Variants in SLC39A10 observed in about 807,000 individuals in gnomAD.
SLC39A10 encodes the protein solute carrier family 39 member 10.
Under a neutral mutation model 65.1 loss-of-function variants are expected in SLC39A10, and 13 were observed. The ratio of observed to expected loss-of-function variants is 0.20; its 90% confidence interval spans 0.13 to 0.32. The LOEUF is 0.32. SLC39A10 is among the 10% of genes least tolerant of loss of function. SLC39A10 has a pLI of 1.00. For missense variants in SLC39A10, 831 were observed against 1,018.4 expected, an observed-to-expected ratio of 0.82 and a Z score of 2.50; for synonymous variants, 321 against 342.2, an observed-to-expected ratio of 0.94 and a Z score of 0.68.
At chr2:195,705,110 C>T (rs1327165492) in intron 3 of SLC39A10, among the ~76,000 whole-genome samples, 1 of 152,136 alleles carries the variant, frequency 6.6e-6, no homozygotes, top group Non-Finnish European at 1.5e-5. Context: ...TCCTCCTCAT[C>T]CTTTCTTTCC....
intron 3 of SLC39A10, among the ~76,000 whole-genome samples, chr2:195,695,210 G>A (rs1690901521): frequency 6.6e-6 from 1 of 152,218 alleles, no homozygotes; most frequent in African/African-American, 2.4e-5. Flanking sequence ...GGTAGAGAAA[G>A]ACCACCAGGT....
intron 3 of SLC39A10, among the ~76,000 whole-genome samples, chr2:195,686,885 A>T (rs1475035622): frequency 6.6e-6 from 1 of 152,262 alleles, no homozygotes; most frequent in Admixed American, 6.5e-5. Context: ...TATAAGTGGC[A>T]GAGAAATGAG....
chr2:195,645,847 A>C (rs950154117), intron 2 of SLC39A10, among the ~76,000 whole-genome samples: 3 of 152,246 alleles, frequency 2.0e-5, no homozygotes, highest in African/African-American at 7.2e-5. Flanking sequence ...CAAAGTATTG[A>C]TCATTCTACA....
intron 1 of SLC39A10, among the ~76,000 whole-genome samples, chr2:195,663,088 T>G (rs1156455062): frequency 1.3e-5 from 2 of 152,222 alleles, no homozygotes; most frequent in African/African-American, 4.8e-5. Flanking sequence ...TAGCTACTTA[T>G]GTAGCTCTCT....
intron 8 of SLC39A10, among the ~76,000 whole-genome samples, chr2:195,727,028 T>A (rs12996461): frequency 0.46 from 69,892 of 152,000 alleles, 17,261 homozygotes; most frequent in Non-Finnish European, 0.57. Context: ...TCAATACTAT[T>A]ATTATCTCTA....
upstream of SLC39A10, among the ~76,000 whole-genome samples, chr2:195,655,387 G>A (rs947368357): frequency 6.6e-6 from 1 of 152,146 alleles, no homozygotes; most frequent in Non-Finnish European, 1.5e-5. Context: ...TAAAATGTAA[G>A]GACTGCAAGC....
intron 2 of SLC39A10, among the ~76,000 whole-genome samples, chr2:195,621,407 A>G (rs1000899955): frequency 2.6e-5 from 4 of 152,242 alleles, no homozygotes; most frequent in African/African-American, 9.6e-5. Context: ...TTAATGCCAT[A>G]CTGATTGTGA....
chr2:195,726,891 A>G (rs1320084738), intron 8 of SLC39A10, among the ~76,000 whole-genome samples: 1 of 152,208 alleles, frequency 6.6e-6, no homozygotes, highest in East Asian at 1.9e-4. Flanking sequence ...CTGAGTGTTC[A>G]ATAATTGATT....
intron 2 of SLC39A10, among the ~76,000 whole-genome samples, chr2:195,651,241 C>A (rs1008327128): frequency 6.6e-6 from 1 of 152,024 alleles, no homozygotes; most frequent in Non-Finnish European, 1.5e-5. Flanking sequence ...AAAAAGACTA[C>A]CGCATGGGTC....
At chr2:195,697,438 T>C (rs1346236117) in intron 3 of SLC39A10, among the ~76,000 whole-genome samples, 1 of 152,202 alleles carries the variant, frequency 6.6e-6, no homozygotes, top group Non-Finnish European at 1.5e-5. Flanking sequence ...TTTACTCTTT[T>C]TTTAAATTTA....
Position 195,680,708 on chromosome 2 carries a change from A to T in SLC39A10, c.666A>T (p.Glu222Asp). 6.2e-7 allele frequency: 1 copy of T among 1,614,190 alleles called. No individual in the cohort carries two copies. Among genetic ancestry groups the T allele is most frequent in the Non-Finnish European group, 8.5e-7 (1 of 1,180,030 alleles). ...CAACAGAGACCAATAAAACCCAGGA[A>T]CAATCTGATGTTAAACTACCGAAAG... The part of the protein sequence containing the change: ...EPSTETNKTQ[E>D]QSDVKLPKGK... Residue 222 changes from glutamate (E) to aspartate (D), a missense_variant, in exon 2 of 10, where the codon GAA (glutamate) becomes GAT (aspartate). By Grantham distance (45) the Glu-to-Asp change is conservative (BLOSUM62 2). Around this residue, in one of 4 missense-constraint regions of SLC39A10, gnomAD observed 446 missense variants for 499.2 expected, o/e 0.89. Transcript: ENST00000359634.
intron 5 of SLC39A10, among the ~76,000 whole-genome samples, 162 bp from the exon 6 acceptor site, chr2:195,713,271 G>T (rs1691661576): frequency 6.6e-6 from 1 of 151,988 alleles, no homozygotes; most frequent in South Asian, 2.1e-4. Flanking sequence ...TTCATCTCTG[G>T]ATTGCTTTAC....
At chr2:195,679,484 A>G (rs1043671216) in intron 1 of SLC39A10, among the ~76,000 whole-genome samples, 1 of 152,190 alleles carries the variant, frequency 6.6e-6, no homozygotes, top group African/African-American at 2.4e-5. Context: ...CTATTTCCAC[A>G]TCAATATTAA....
chr2:195,736,286 T>C lies in SLC39A10; in HGVS notation c.*1245T>C, dbSNP rs1387926555. On this transcript the variant is annotated 3_prime_UTR_variant, in exon 10 of 10. Coordinates refer to ENST00000359634, the MANE Select transcript of SLC39A10 (RefSeq NM_020342.3). ...TCCTACCATAATTGTGAATGATTTG[T>C]GAGAAGTGCAAGCCATGTTTATCCT... The C allele has an allele frequency of 6.2e-6, 1 of 160,818 alleles. No individual in the cohort carries two copies. Among genetic ancestry groups the C allele is most frequent in the Non-Finnish European group, 1.5e-5 (1 of 68,088 alleles). The allele number at this position is 160,818 out of a possible 1,614,324, so 10.0% of individuals were successfully genotyped here.
At position 195,728,631 on chromosome 2, in the gene SLC39A10, TGTA is replaced by T. The variant is rs1044371776; in HGVS notation, c.2337+284_2337+286del. 6.6e-6 allele frequency among the ~76,000 whole-genome samples: 1 copy of T among 152,148 alleles called. No homozygotes were observed. The highest frequency in any genetic ancestry group is 2.4e-5 in the African/African-American group (1 of 41,452). ...TACTTTAAAGACTTTGTAATATTGG[TGTA>T]GAAGTGTTTTATTTTTGTTAGCAAA... On this transcript the variant is annotated intron_variant, in intron 9 of 9. Coordinates refer to ENST00000359634, the MANE Select transcript of SLC39A10 (RefSeq NM_020342.3). This position sits in a 1 kb window ranked among gnomAD's most constrained non-coding sequence, Gnocchi z 4.4.
chr2:195,620,961 G>T (rs1056228128), intron 2 of SLC39A10, among the ~76,000 whole-genome samples: 2 of 152,066 alleles, frequency 1.3e-5, no homozygotes, highest in Non-Finnish European at 2.9e-5. Flanking sequence ...CCTGACTCTG[G>T]TATCTCAGAG....
At chr2:195,697,876 A>G (rs1691028578) in intron 3 of SLC39A10, among the ~76,000 whole-genome samples, 1 of 150,172 alleles carries the variant, frequency 6.7e-6, no homozygotes, top group African/African-American at 2.4e-5. Context: ...ATGAGATACC[A>G]TCTTACACCA....
chr2:195,721,932 A>G (rs1432156943), intron 8 of SLC39A10, among the ~76,000 whole-genome samples: 1 of 152,202 alleles, frequency 6.6e-6, no homozygotes, highest in African/African-American at 2.4e-5. Flanking sequence ...CAAGTTGGAG[A>G]TTAAGGATGG....
chr2:195,674,491 G>A, intron 1 of SLC39A10: 3 of 576,988 alleles, frequency 5.2e-6, no homozygotes, highest in Non-Finnish European at 6.6e-6. Flanking sequence ...TGGTCAGGCT[G>A]GTCTTGAACT....
Sources: gnomAD v4.1 joint callset for allele counts (sites outside exome capture counted in the v4.1 genomes callset) on GRCh38, gnomAD v4.1.1 for gene constraint, gnomAD v4.1.1 regional missense constraint, Gnocchi (gnomAD v3.1) non-coding constraint, MANE v1.5 for transcripts, NCBI Gene and HGNC (gene_info 2026-07-23, HGNC 2026-07-21) for gene names.